Variants in NAV2 observed in about 807,000 individuals in gnomAD.
The protein encoded by NAV2 is neuron navigator 2, also known as helicase, APC down-regulated 1.
Under a neutral mutation model 223.2 loss-of-function variants are expected in NAV2, and 54 were observed. The ratio of observed to expected loss-of-function variants is 0.24; its 90% confidence interval spans 0.19 to 0.30. The LOEUF (loss-of-function observed/expected upper bound fraction) is 0.30. Ranked by LOEUF, NAV2 falls within the 10% of genes least tolerant of loss-of-function variation. The pLI, the probability that NAV2 is intolerant of heterozygous loss-of-function variation, is 1.00. For synonymous variants in NAV2, 1,279 were observed against 1,239.3 expected (o/e 1.03, Z -0.67); for missense variants, 2,806 against 3,147.5 (o/e 0.89, Z 2.60).
In NAV2 at chr11:19,832,472, C is replaced by CA. The variant is rs1565394851; in HGVS notation, c.268-12_268-11insA. ...CTGGCTTCCTAAAGTTGCCTGTTTG[C>CA]TTTTTTTACAGATCTACACAGACTG... On this transcript the variant is annotated splice_polypyrimidine_tract_variant and intron_variant, in intron 1 of 37. Coordinates refer to ENST00000349880, the MANE Select transcript of NAV2 (RefSeq NM_145117.5). 6 of 1,583,766 alleles carry CA rather than the reference C, an allele frequency of 3.8e-6. No homozygotes were observed. Among genetic ancestry groups the CA allele is most frequent in the Non-Finnish European group, 5.2e-6 (6 of 1,164,734 alleles).
intron 1 of NAV2, among the ~76,000 whole-genome samples, chr11:19,570,630 G>A (rs993354061): frequency 1.3e-5 from 2 of 152,184 alleles, no homozygotes; most frequent in Non-Finnish European, 2.9e-5. Context: ...CAAAGGACTT[G>A]AATAGACATT....
Position 19,609,254 on chromosome 11 carries a change from T to C in NAV2, c.76-223230T>C, listed in dbSNP as rs188157592. ...TTAAAGATAAGCTGCAGGCATATTTTAGCCATTTATCTTACTACTAAAAGG... is the reference window on the plus strand; with the variant it reads ...TTAAAGATAAGCTGCAGGCATATTTCAGCCATTTATCTTACTACTAAAAGG... On this transcript the variant is annotated intron_variant, in intron 1 of 37. Coordinates refer to the NAV2 transcript ENST00000360655. Among the ~76,000 whole-genome samples, 87 of 152,356 alleles carry C rather than the reference T, an allele frequency of 5.7e-4. 1 individual carries two copies. The highest frequency in any genetic ancestry group is 5.7e-3 in the Admixed American group (87 of 15,306).
intron 10 of NAV2, among the ~76,000 whole-genome samples, chr11:19,955,885 G>A (rs925692104): frequency 3.3e-5 from 5 of 152,256 alleles, no homozygotes; most frequent in Middle Eastern, 6.8e-3. Context: ...AACGCACCCT[G>A]GAGCCAAGAT....
intron 5 of NAV2, among the ~76,000 whole-genome samples, chr11:19,890,270 A>T (rs951123653): frequency 6.6e-6 from 1 of 152,216 alleles, no homozygotes; most frequent in Admixed American, 6.5e-5. Context: ...CCATTACACC[A>T]TGCTGCCTCA....
At chr11:19,388,790 G>T (rs2133198259) in intron 1 of NAV2, among the ~76,000 whole-genome samples, 1 of 152,266 alleles carries the variant, frequency 6.6e-6, no homozygotes, top group Non-Finnish European at 1.5e-5. Flanking sequence ...CACCTACTAT[G>T]CACCATGGAC....
intron 8 of NAV2, among the ~76,000 whole-genome samples, chr11:19,944,003 GC>G (rs1218285304): frequency 6.6e-6 from 1 of 152,016 alleles, no homozygotes; most frequent in African/African-American, 2.4e-5. Flanking sequence ...TTCAAGACCA[GC>G]CTGGCCAACA....
At chr11:19,495,785 AC>A (rs1365482728) in intron 1 of NAV2, among the ~76,000 whole-genome samples, 1 of 152,168 alleles carries the variant, frequency 6.6e-6, no homozygotes, top group Non-Finnish European at 1.5e-5. Context: ...TAGTAATAAA[AC>A]TTGTAGAAAA....
Position 19,439,887 on chromosome 11 carries a change from G to A in NAV2, c.75+88860G>A, listed in dbSNP as rs958722142. Among the ~76,000 whole-genome samples, 10 of 152,106 alleles carry A rather than the reference G, an allele frequency of 6.6e-5. 1 individual carries two copies. In the South Asian group the frequency reaches 2.1e-3, roughly 32 times the overall value. On this transcript the variant is annotated intron_variant, in intron 1 of 37. Coordinates refer to the NAV2 transcript ENST00000360655. ...TGAACATCAGTCCTCATTACCCAGG[G>A]CTGCAGGTATAGCCAAGGATAATGT...
At chr11:19,920,754 G>T (rs1324339421) in intron 6 of NAV2, among the ~76,000 whole-genome samples, 1 of 152,136 alleles carries the variant, frequency 6.6e-6, no homozygotes, top group Non-Finnish European at 1.5e-5. Context: ...CACAAAGTTC[G>T]ATGATTGCAT....
At chr11:19,565,699 A>G (rs1202649172) in intron 1 of NAV2, among the ~76,000 whole-genome samples, 1 of 152,062 alleles carries the variant, frequency 6.6e-6, no homozygotes, top group African/African-American at 2.4e-5. Context: ...ACTACAGCCC[A>G]CTCCCTGCTT....
chr11:19,845,770 A>C (rs1040026215), intron 3 of NAV2, among the ~76,000 whole-genome samples: 5 of 152,168 alleles, frequency 3.3e-5, no homozygotes, highest in African/African-American at 1.2e-4. Flanking sequence ...AGGGAAGTAA[A>C]AGCAGACATT....
intron 1 of NAV2, among the ~76,000 whole-genome samples, chr11:19,801,398 G>T (rs568536877): frequency 2.6e-5 from 4 of 152,310 alleles, no homozygotes; most frequent in East Asian, 3.9e-4. Flanking sequence ...CTCTCCCTTT[G>T]CTGTGTCCTC....
At chr11:20,088,278 A>G (rs1168459339) in intron 26 of NAV2, among the ~76,000 whole-genome samples, 2 of 152,172 alleles carry the variant, frequency 1.3e-5, no homozygotes, top group East Asian at 3.9e-4. Context: ...CTCAGGTTCA[A>G]GCGATTCTCC....
At chr11:19,931,437 G>A (rs771522103) in intron 6 of NAV2, among the ~76,000 whole-genome samples, 1 of 152,192 alleles carries the variant, frequency 6.6e-6, no homozygotes, top group Non-Finnish European at 1.5e-5. Context: ...AGAGTGAAAG[G>A]AGGCAGTTCC....
At chr11:19,897,290 AGT>A (rs1425716810) in intron 6 of NAV2, among the ~76,000 whole-genome samples, 1 of 152,132 alleles carries the variant, frequency 6.6e-6, no homozygotes, top group African/African-American at 2.4e-5. Flanking sequence ...TTAAATGACG[AGT>A]TACTGGGTTC....
At chr11:19,561,247 A>G (rs2045086088) in intron 1 of NAV2, among the ~76,000 whole-genome samples, 1 of 152,152 alleles carries the variant, frequency 6.6e-6, no homozygotes, top group African/African-American at 2.4e-5. Context: ...TGTTCACATG[A>G]CGGTACTGCT....
At chr11:19,573,050 T>C (rs1172054746) in intron 1 of NAV2, among the ~76,000 whole-genome samples, 1 of 152,200 alleles carries the variant, frequency 6.6e-6, no homozygotes, top group Non-Finnish European at 1.5e-5. Context: ...GCTTTGTCTT[T>C]GAAATCATGT....
At chr11:19,838,682 G>A (rs1326187831) in intron 2 of NAV2, among the ~76,000 whole-genome samples, 1 of 152,240 alleles carries the variant, frequency 6.6e-6, no homozygotes, top group African/African-American at 2.4e-5. Context: ...GGAGTGCAGT[G>A]TTACGATCTT....
At chr11:19,570,511 A>G (rs1196725811) in intron 1 of NAV2, among the ~76,000 whole-genome samples, 1 of 152,244 alleles carries the variant, frequency 6.6e-6, no homozygotes, top group East Asian at 1.9e-4. Flanking sequence ...TCAGACTTGG[A>G]GAAAATATTT....
Sources: allele counts gnomAD v4.1 joint callset (sites outside exome capture counted in the v4.1 genomes callset), GRCh38; gene constraint gnomAD v4.1.1; transcripts MANE v1.5; gene names NCBI Gene and HGNC (gene_info 2026-07-23, HGNC 2026-07-21).